Variants in SLC39A9 observed in about 807,000 individuals in gnomAD.
SLC39A9 encodes zinc transporter ZIP9.
SLC39A9 carries 14 observed loss-of-function variants against 28.4 expected under a neutral mutation model. That is an observed-to-expected ratio of 0.49 (90% CI 0.33 to 0.77). SLC39A9 has a LOEUF of 0.77. Among genes scored for constraint, SLC39A9 ranks in the 30% least tolerant of loss-of-function variants. The pLI, the probability that SLC39A9 is intolerant of heterozygous loss-of-function variation, is 0.02. For synonymous variants in SLC39A9, 119 were observed against 149.6 expected, an observed-to-expected ratio of 0.80 and a Z score of 1.49; for missense variants, 283 against 381.1, an observed-to-expected ratio of 0.74 and a Z score of 2.14.
intron 6 of SLC39A9, among the ~76,000 whole-genome samples, 193 bp from the exon 7 acceptor site, chr14:69,458,170 T>C (rs981184991): frequency 6.6e-6 from 1 of 152,230 alleles, no homozygotes; most frequent in Non-Finnish European, 1.5e-5. Context: ...ATCAATTGCG[T>C]ACATCACTGA....
intron 2 of SLC39A9, among the ~76,000 whole-genome samples, chr14:69,427,575 T>C (rs1210343051): frequency 6.6e-6 from 1 of 152,180 alleles, no homozygotes; most frequent in Non-Finnish European, 1.5e-5. Context: ...AAAGTATGCT[T>C]GTGCTGTCCA....
At chr14:69,401,438 G>T (rs1246318317) in intron 1 of SLC39A9, among the ~76,000 whole-genome samples, 1 of 152,086 alleles carries the variant, frequency 6.6e-6, no homozygotes, top group East Asian at 1.9e-4. Flanking sequence ...GTGAGATTTG[G>T]GTTGGTTTGT....
rs536233809 is a variant in SLC39A9 at position 69,436,999 on chromosome 14, C to G, written c.206-5070C>G. ...TCTCCTGCCTCAGCCTCCCGAGTAGCTGGGACTACAGGTGCCTGCCACCAC... is the reference window on the plus strand; with the variant it reads ...TCTCCTGCCTCAGCCTCCCGAGTAGGTGGGACTACAGGTGCCTGCCACCAC... On this transcript the variant is annotated intron_variant, in intron 2 of 6. Coordinates refer to ENST00000336643, the MANE Select transcript of SLC39A9 (RefSeq NM_018375.5). Among the ~76,000 whole-genome samples, 3 of 152,232 alleles carry G rather than the reference C, an allele frequency of 2.0e-5. No individual in the cohort carries two copies. The South Asian group carries it at 6.2e-4, about 32-fold the overall frequency.
chr14:69,460,489 A>G lies in SLC39A9; in HGVS notation c.*1896A>G, dbSNP rs1240689116. ...AGGTTTCATCTAGTCCTTCAAAACT[A>G]TATGGTTGCCTAGATTCTCTCTGGA... On this transcript the variant is annotated 3_prime_UTR_variant, in exon 7 of 7. Coordinates refer to ENST00000336643, the MANE Select transcript of SLC39A9 (RefSeq NM_018375.5). 5 of 985,330 alleles carry G rather than the reference A, an allele frequency of 5.1e-6. No individual in the cohort carries two copies. The highest frequency in any genetic ancestry group is 6.0e-6 in the Non-Finnish European group (5 of 829,936). The allele number at this position is 985,330 out of a possible 1,614,324, so 61.0% of individuals were successfully genotyped here.
Position 69,462,188 on chromosome 14 carries a change from GA to G in SLC39A9, c.*3597del, listed in dbSNP as rs1566929945. The G allele has an allele frequency of 6.5e-6, 1 of 153,142 alleles. No homozygotes were observed. The highest frequency in any genetic ancestry group is 2.4e-5 in the African/African-American group (1 of 41,452). The allele number at this position is 153,142 out of a possible 1,614,324, so 9.5% of individuals were successfully genotyped here. ...TCTTGTGGCATCTTCCAGCAAGTTA[GA>G]AGTCTCATGGGATAAGACTGCAGTT... On this transcript the variant is annotated 3_prime_UTR_variant, in exon 7 of 7. Transcript: ENST00000336643.
intron 1 of SLC39A9, among the ~76,000 whole-genome samples, chr14:69,415,477 TTTA>T (rs1313746184): frequency 1.4e-4 from 22 of 152,208 alleles, no homozygotes; most frequent in Admixed American, 1.2e-3. Context: ...TTGTTTGTCT[TTTA>T]TTATTGAGTT....
intron 1 of SLC39A9, among the ~76,000 whole-genome samples, chr14:69,416,069 C>A (rs1226719728): frequency 6.6e-6 from 1 of 152,046 alleles, no homozygotes; most frequent in African/African-American, 2.4e-5. Flanking sequence ...ATCCCTCCCC[C>A]AGCCCCCACC....
Position 69,422,837 on chromosome 14 carries a change from T to C in SLC39A9, c.97-1257T>C, listed in dbSNP as rs72723834. Among the ~76,000 whole-genome samples, 644 of 152,098 alleles carry C rather than the reference T, an allele frequency of 4.2e-3. 3 individuals are homozygous for C. Among genetic ancestry groups the C allele is most frequent in the Admixed American group, 0.012 (181 of 15,258 alleles). On this transcript the variant is annotated intron_variant, in intron 1 of 6. Transcript: ENST00000336643. ...GACCTCAGGTGATCCACCCACCTAG[T>C]TGTAGTTTTTAAGATCATTTTTCAT...
At chr14:69,433,973 C>T (rs947953499) in intron 2 of SLC39A9, among the ~76,000 whole-genome samples, 2 of 151,932 alleles carry the variant, frequency 1.3e-5, no homozygotes, top group Admixed American at 6.6e-5. Flanking sequence ...TTAGTAGAGA[C>T]GGGGTTTCAC....
At chr14:69,410,865 T>C (rs1241997690) in intron 1 of SLC39A9, among the ~76,000 whole-genome samples, 2 of 151,894 alleles carry the variant, frequency 1.3e-5, no homozygotes, top group Non-Finnish European at 2.9e-5. Context: ...ACACTTTGAC[T>C]ACTAAAATGG....
At position 69,406,848 on chromosome 14, in the gene SLC39A9, G is replaced by GTTTTTTTTTTT. The variant is rs398025544; in HGVS notation, c.96+7393_96+7403dup. Among the ~76,000 whole-genome samples the GTTTTTTTTTTT allele has an allele frequency of 3.1e-5, 3 of 95,904 alleles. 1 individual carries two copies. The highest frequency in any genetic ancestry group is 8.4e-5 in the African/African-American group (2 of 23,824). The allele number at this position is 95,904 out of a possible 152,430, so 62.9% of individuals were successfully genotyped here. On this transcript the variant is annotated intron_variant, in intron 1 of 6. Transcript: ENST00000336643. ...ATATTAGTTAGACTGGAAATTCTTT[G>GTTTTTTTTTTT]TTTTTTTTTTTTTTTTTTTTGAGAT...
At chr14:69,406,402 C>A (rs1317079109) in intron 1 of SLC39A9, among the ~76,000 whole-genome samples, 1 of 152,164 alleles carries the variant, frequency 6.6e-6, no homozygotes, top group Non-Finnish European at 1.5e-5. Flanking sequence ...ACATCCTTTT[C>A]AAGAGAAGAT....
chr14:69,400,951 G>A (rs1882597540), intron 1 of SLC39A9, among the ~76,000 whole-genome samples: 1 of 150,604 alleles, frequency 6.6e-6, no homozygotes, highest in Admixed American at 6.6e-5. Context: ...CCCAGGAGTT[G>A]GCCTGGGCAA....
At chr14:69,423,001 C>G (rs1025392414) in intron 1 of SLC39A9, among the ~76,000 whole-genome samples, 1 of 152,158 alleles carries the variant, frequency 6.6e-6, no homozygotes, top group African/African-American at 2.4e-5. Context: ...TGGATTAAAA[C>G]CACAGAAGAA....
intron 2 of SLC39A9, among the ~76,000 whole-genome samples, chr14:69,436,993 G>A (rs997436427): frequency 2.0e-5 from 3 of 151,804 alleles, no homozygotes; most frequent in Admixed American, 1.3e-4. Context: ...TCAGCCTCCC[G>A]AGTAGCTGGG....
rs745932290 is a variant in SLC39A9, at chr14:69,444,032, AT to A, written c.403+1767del. On this transcript the variant is annotated intron_variant, in intron 3 of 6. Coordinates refer to ENST00000336643, the MANE Select transcript of SLC39A9 (RefSeq NM_018375.5). ...GAGACCCCATCTCTACGAAAAAAAAATAAATTACCCAAGCATGATGAGGCAT... is the reference window on the plus strand; with the variant it reads ...GAGACCCCATCTCTACGAAAAAAAAAAAATTACCCAAGCATGATGAGGCAT... Among the ~76,000 whole-genome samples the A allele has an allele frequency of 2.6e-5, 4 of 151,810 alleles. No homozygotes were observed. The East Asian group carries it at 7.8e-4, about 29-fold the overall frequency.
intron 2 of SLC39A9, among the ~76,000 whole-genome samples, chr14:69,439,436 A>G (rs897989754): frequency 5.3e-5 from 8 of 152,240 alleles, no homozygotes; most frequent in Admixed American, 1.3e-4. Flanking sequence ...ACTATAAAAC[A>G]TTGATTTAAA....
In SLC39A9 at chr14:69,454,446, CT is replaced by C. The variant is rs377344466; in HGVS notation, c.473-363del. Among the ~76,000 whole-genome samples the C allele has an allele frequency of 4.9e-3, 752 of 152,256 alleles. 5 individuals are homozygous for C. Among genetic ancestry groups the C allele is most frequent in the African/African-American group, 0.017 (721 of 41,556 alleles). On this transcript the variant is annotated intron_variant, in intron 4 of 6. Transcript: ENST00000336643. The stretch of plus-strand genomic sequence containing the variant: ...AACCTATAAGATTAAGAGATGCTTC[CT>C]TTGAAATTCTTCTTTGGTATTTCCC...
chr14:69,401,837 T>C (rs1324617619), intron 1 of SLC39A9, among the ~76,000 whole-genome samples: 1 of 152,202 alleles, frequency 6.6e-6, no homozygotes, highest in Non-Finnish European at 1.5e-5. Flanking sequence ...ATGAAAGTTA[T>C]ATATAACTTA....
Sources: allele counts gnomAD v4.1 joint callset (sites outside exome capture counted in the v4.1 genomes callset), GRCh38; gene constraint gnomAD v4.1.1; transcripts MANE v1.5; gene names NCBI Gene and HGNC (gene_info 2026-07-23, HGNC 2026-07-21).